The following RCSD1 variants were observed in gnomAD, a reference collection of about 807,000 sequenced individuals.
RCSD1 encodes RCSD domain containing 1, also known as capZ-interacting protein.
RCSD1 carries 26 observed loss-of-function variants against 42.5 expected under a neutral mutation model. The observed-to-expected ratio is 0.61, with a 90% CI of 0.45 to 0.85. RCSD1 has a LOEUF of 0.85. Among genes scored for constraint, RCSD1 ranks in the 40% least tolerant of loss-of-function variants. RCSD1 has a pLI of 0.00. For synonymous variants in RCSD1, 220 were observed against 212.2 expected (o/e 1.04, Z -0.32); for missense variants, 571 against 528.3 (o/e 1.08, Z -0.79).
chr1:167,670,357 GAA>G (rs58634704), intron 1 of RCSD1, among the ~76,000 whole-genome samples: 2 of 132,354 alleles, frequency 1.5e-5, no homozygotes, highest in Non-Finnish European at 1.6e-5. Context: ...CTTTGCAAAA[GAA>G]AAAAAAAAAA....
intron 1 of RCSD1, among the ~76,000 whole-genome samples, chr1:167,653,841 A>C (rs1558076762): frequency 6.6e-6 from 1 of 152,216 alleles, no homozygotes; most frequent in Non-Finnish European, 1.5e-5. Flanking sequence ...AATAAGGATC[A>C]AGGCATTTGA....
At chr1:167,680,262 G>A (rs1659046556) in intron 1 of RCSD1, among the ~76,000 whole-genome samples, 1 of 151,890 alleles carries the variant, frequency 6.6e-6, no homozygotes, top group Admixed American at 6.6e-5. Flanking sequence ...TGAAGTCAAG[G>A]CAATGACCAG....
chr1:167,686,071 TATC>T (rs1659229152), intron 3 of RCSD1, among the ~76,000 whole-genome samples: 1 of 152,218 alleles, frequency 6.6e-6, no homozygotes, highest in South Asian at 2.1e-4. Flanking sequence ...AAGGCTCTGG[TATC>T]ATAGATCATA....
rs549272362 is a variant in RCSD1, at chr1:167,703,550, A to G, written c.1219-1114A>G. On this transcript the variant is annotated intron_variant, in intron 6 of 6. Transcript: ENST00000367854. ...TACAATCACAACTCATTCCTAACAG[A>G]ATTCCTGGTTTCCAGACTCACCCTA... 2.2e-3 allele frequency among the ~76,000 whole-genome samples: 338 copies of G among 152,218 alleles called. 4 individuals carry two copies. The highest frequency in any genetic ancestry group is 7.3e-3 in the South Asian group (35 of 4,818).
chr1:167,700,636 G>A (rs560826847), intron 6 of RCSD1, among the ~76,000 whole-genome samples: 182 of 148,342 alleles, frequency 1.2e-3, no homozygotes, highest in African/African-American at 4.4e-3. Context: ...AGGTGACAGA[G>A]CAAGATTCCG....
In RCSD1 at chr1:167,686,020, G is replaced by A. The variant is rs141597524; in HGVS notation, c.198+510G>A. Among the ~76,000 whole-genome samples the A allele has an allele frequency of 4.3e-3, 651 of 152,290 alleles. 7 individuals are homozygous for A. Among genetic ancestry groups the A allele is most frequent in the South Asian group, 0.017 (82 of 4,830 alleles). On this transcript the variant is annotated intron_variant, in intron 3 of 6. Coordinates refer to ENST00000367854, the MANE Select transcript of RCSD1 (RefSeq NM_052862.4). ...AAAACCAGAGCGCACAGGAGGCCTC[G>A]TTGCCCTCAGATATAAATAGCCAAC...
chr1:167,639,224 A>T (rs1657945207), intron 1 of RCSD1, among the ~76,000 whole-genome samples: 1 of 125,276 alleles, frequency 8.0e-6, no homozygotes, highest in African/African-American at 3.0e-5. Context: ...CTCAAAACAA[A>T]CAAACAAACA....
intron 1 of RCSD1, 125 bp from the exon 2 acceptor site, chr1:167,683,775 G>A: frequency 1.1e-6 from 1 of 877,094 alleles, no homozygotes; most frequent in Non-Finnish European, 1.8e-6. Flanking sequence ...GCAGGAGCCA[G>A]TTGGATAATG....
At chr1:167,648,086 T>C (rs918897584) in intron 1 of RCSD1, among the ~76,000 whole-genome samples, 1 of 152,222 alleles carries the variant, frequency 6.6e-6, no homozygotes, top group Non-Finnish European at 1.5e-5. Flanking sequence ...AATCAGTGTA[T>C]ATACAACTCT....
chr1:167,666,585 C>T (rs74548778), intron 1 of RCSD1, among the ~76,000 whole-genome samples: 2,028 of 152,184 alleles, frequency 0.013, 44 homozygotes, highest in African/African-American at 0.046. Context: ...GGGACCATGA[C>T]GGAAAGCCCT....
chr1:167,684,731 G>A (rs1399493775), intron 2 of RCSD1, among the ~76,000 whole-genome samples: 14 of 152,128 alleles, frequency 9.2e-5, no homozygotes, highest in African/African-American at 1.4e-4. Flanking sequence ...AAAATTGGCC[G>A]GGCGTGGTGG....
chr1:167,637,605 T>C (rs1356263896), intron 1 of RCSD1, among the ~76,000 whole-genome samples: 1 of 152,112 alleles, frequency 6.6e-6, no homozygotes, highest in Non-Finnish European at 1.5e-5. Flanking sequence ...CCCCAAAGGC[T>C]CCTGCTAGAG....
At chr1:167,687,534 A>G (rs189123284) in intron 3 of RCSD1, among the ~76,000 whole-genome samples, 1,727 of 151,954 alleles carry the variant, frequency 0.011, 24 homozygotes, top group African/African-American at 0.033. Context: ...AAAAAAAAAA[A>G]AAAAGAAAAG....
At chr1:167,665,488 T>C (rs538931773) in intron 1 of RCSD1, among the ~76,000 whole-genome samples, 57 of 152,342 alleles carry the variant, frequency 3.7e-4, no homozygotes, top group African/African-American at 1.3e-3. Context: ...ACAAGTAAGA[T>C]TGTTGGTAGG....
At chr1:167,676,529 C>T (rs1312490546) in intron 1 of RCSD1, among the ~76,000 whole-genome samples, 1 of 152,232 alleles carries the variant, frequency 6.6e-6, no homozygotes, top group African/African-American at 2.4e-5. Context: ...TTCCCACCCC[C>T]ACCAGACTCA....
At chr1:167,689,951 A>C (rs1046215598) in intron 3 of RCSD1, 98 bp from the exon 4 acceptor site, 2 of 1,174,156 alleles carry the variant, frequency 1.7e-6, no homozygotes. Context: ...GGCAACACCA[A>C]CTTCTCTTCT....
intron 5 of RCSD1, among the ~76,000 whole-genome samples, chr1:167,696,282 T>C (rs1388653625): frequency 6.6e-6 from 1 of 152,012 alleles, no homozygotes; most frequent in Non-Finnish European, 1.5e-5. Context: ...AATCATAAGT[T>C]ATCTTTTTTA....
chr1:167,656,169 G>C (rs926903024), intron 1 of RCSD1, among the ~76,000 whole-genome samples: 2 of 152,094 alleles, frequency 1.3e-5, no homozygotes, highest in African/African-American at 2.4e-5. Context: ...AAGAAACTAC[G>C]GCTCAGGATG....
At chr1:167,634,713 G>A (rs1388744039) in intron 1 of RCSD1, among the ~76,000 whole-genome samples, 1 of 152,022 alleles carries the variant, frequency 6.6e-6, no homozygotes, top group African/African-American at 2.4e-5. Context: ...GCACATCATG[G>A]CACTGAAAAA....
Sources: gnomAD v4.1 joint callset for allele counts (sites outside exome capture counted in the v4.1 genomes callset) on GRCh38, gnomAD v4.1.1 for gene constraint, MANE v1.5 for transcripts, NCBI Gene and HGNC (gene_info 2026-07-23, HGNC 2026-07-21) for gene names.